ERC2: variants seen among roughly 807,000 people sequenced by gnomAD.
ERC2 encodes ELKS/RAB6-interacting/CAST family member 2, also known as ERC protein 2.
In ERC2, 42 loss-of-function variants were observed where a neutral mutation model predicts 114.8. That is an observed-to-expected ratio of 0.37 (90% confidence interval 0.29 to 0.47). The LOEUF (loss-of-function observed/expected upper bound fraction) is 0.47, where lower values mean the gene tolerates loss of function less well. Among genes scored for constraint, ERC2 ranks in the 20% least tolerant of loss-of-function variants. The pLI is 0.99. For synonymous variants in ERC2, 454 were observed against 425.5 expected, an observed-to-expected ratio of 1.07 and a Z score of -0.82; for missense variants, 939 against 1,150.7, an observed-to-expected ratio of 0.82 and a Z score of 2.66.
At chr3:56,421,421 G>T (rs889195678) in intron 2 of ERC2, among the ~76,000 whole-genome samples, 1 of 152,180 alleles carries the variant, frequency 6.6e-6, no homozygotes, top group African/African-American at 2.4e-5. Flanking sequence ...CTGCTGAGGG[G>T]GCGTGGATGT....
At chr3:56,437,928 A>C (rs1221552513) in intron 1 of ERC2, among the ~76,000 whole-genome samples, 1 of 152,248 alleles carries the variant, frequency 6.6e-6, no homozygotes, top group Non-Finnish European at 1.5e-5. Flanking sequence ...ACACAAATAC[A>C]CATACACCCT....
At chr3:55,769,131 G>C (rs72875449) in intron 14 of ERC2, among the ~76,000 whole-genome samples, 7 of 152,100 alleles carry the variant, frequency 4.6e-5, no homozygotes, top group Non-Finnish European at 7.4e-5. Context: ...GCCTCCGAAG[G>C]CTCCAGCATA....
chr3:55,707,586 G>A (rs1211735925), intron 15 of ERC2, among the ~76,000 whole-genome samples: 1 of 152,180 alleles, frequency 6.6e-6, no homozygotes, highest in African/African-American at 2.4e-5. Flanking sequence ...TATAAAGAAA[G>A]AGTTCTATGT....
At chr3:56,205,348 C>A (rs116100711) in intron 3 of ERC2, among the ~76,000 whole-genome samples, 5,000 of 152,152 alleles carry the variant, frequency 0.033, 121 homozygotes, top group Middle Eastern at 0.054. Flanking sequence ...ATGTTTGTCC[C>A]CAAGTCCAGG....
At chr3:56,227,084 G>A (rs1038020714) in intron 3 of ERC2, among the ~76,000 whole-genome samples, 16 of 151,924 alleles carry the variant, frequency 1.1e-4, no homozygotes, top group African/African-American at 3.6e-4. Flanking sequence ...TTCCCCCACT[G>A]GCCCTGCTTG....
intron 2 of ERC2, among the ~76,000 whole-genome samples, chr3:56,402,574 C>G (rs920964541): frequency 6.6e-6 from 1 of 152,186 alleles, no homozygotes. Context: ...GTGCAACTTA[C>G]AACCCCACTA....
intron 2 of ERC2, among the ~76,000 whole-genome samples, chr3:56,407,991 C>T (rs991643452): frequency 6.6e-6 from 1 of 152,176 alleles, no homozygotes; most frequent in African/African-American, 2.4e-5. Context: ...TAGCACAAAG[C>T]CAAAGGAGGT....
chr3:55,977,891 G>A (rs556425877), intron 12 of ERC2, among the ~76,000 whole-genome samples: 24 of 152,252 alleles, frequency 1.6e-4, no homozygotes, highest in African/African-American at 5.3e-4. Context: ...AAAGCCTTTA[G>A]GTATAGATAT....
intron 2 of ERC2, among the ~76,000 whole-genome samples, chr3:56,388,616 G>A (rs530171459): frequency 6.6e-6 from 1 of 152,268 alleles, no homozygotes; most frequent in Non-Finnish European, 1.5e-5. Context: ...TTGAAGTCTA[G>A]ACTTCCAATG....
At chr3:55,840,446 A>G (rs1271454821) in intron 14 of ERC2, among the ~76,000 whole-genome samples, 3 of 151,634 alleles carry the variant, frequency 2.0e-5, no homozygotes, top group African/African-American at 7.3e-5. Flanking sequence ...CTTCACCAAC[A>G]CTTGGTATGG....
At chr3:56,275,731 C>T (rs541040636) in intron 3 of ERC2, among the ~76,000 whole-genome samples, 1 of 152,316 alleles carries the variant, frequency 6.6e-6, no homozygotes, top group Admixed American at 6.5e-5. Flanking sequence ...CTGGACTGCA[C>T]TTTTAGTAGC....
intron 17 of ERC2, among the ~76,000 whole-genome samples, chr3:55,664,692 T>C (rs2061285443): frequency 6.6e-6 from 1 of 152,226 alleles, no homozygotes; most frequent in South Asian, 2.1e-4. Context: ...CCTAGTATTC[T>C]GTTACTGCCT....
At chr3:55,738,750 C>G (rs1265819449) in intron 14 of ERC2, among the ~76,000 whole-genome samples, 1 of 152,010 alleles carries the variant, frequency 6.6e-6, no homozygotes, top group African/African-American at 2.4e-5. Flanking sequence ...CATCATCAAC[C>G]AAAAAACAAT....
intron 3 of ERC2, among the ~76,000 whole-genome samples, chr3:56,227,174 T>A (rs1048282629): frequency 7.2e-5 from 11 of 152,100 alleles, no homozygotes; most frequent in Non-Finnish European, 1.6e-4. Context: ...AGAATTCACC[T>A]CCATTCTTAA....
In ERC2 at chr3:55,888,397, C is replaced by A; in HGVS notation, c.2556G>T (p.Leu852=). The change falls in exon 14 of 18, where the codon CTG becomes CTT. Residue 852 remains leucine, a synonymous_variant. Coordinates refer to ENST00000288221, the MANE Select transcript of ERC2 (RefSeq NM_015576.3). ...CAGCAATGGGTACTCACTTCATCTC[C>A]AGGATCTCCTCCAGCTGTTTCCTCC... ...IERRKQLEEI[L]EMKQEALLAA... 1.2e-6 allele frequency: 2 copies of A among 1,613,834 alleles called. No homozygotes were observed. The highest frequency in any genetic ancestry group is 1.7e-6 in the Non-Finnish European group (2 of 1,179,796).
chr3:55,986,618 A>G (rs1302902389), intron 11 of ERC2, among the ~76,000 whole-genome samples: 1 of 152,190 alleles, frequency 6.6e-6, no homozygotes, highest in Non-Finnish European at 1.5e-5. Context: ...CCCACCTATC[A>G]GCTTCCGCAG....
intron 14 of ERC2, among the ~76,000 whole-genome samples, chr3:55,833,566 T>C (rs1432568154): frequency 1.3e-5 from 2 of 152,124 alleles, no homozygotes; most frequent in Admixed American, 6.5e-5. Flanking sequence ...TGCTGAGAGA[T>C]TTTGTCATCA....
chr3:55,924,388 A>G (rs13076088), intron 13 of ERC2, among the ~76,000 whole-genome samples: 92,151 of 151,854 alleles, frequency 0.61, 28,929 homozygotes, highest in Non-Finnish European at 0.66. Context: ...CATAAAAACA[A>G]GTGGCGAGAG....
intron 17 of ERC2, among the ~76,000 whole-genome samples, chr3:55,559,942 A>G (rs1036112203): frequency 7.9e-5 from 12 of 152,310 alleles, no homozygotes; most frequent in Non-Finnish European, 1.6e-4. Flanking sequence ...GGGGCTGCTC[A>G]GACATTATCT....
Sources: allele counts gnomAD v4.1 joint callset (sites outside exome capture counted in the v4.1 genomes callset), GRCh38; gene constraint gnomAD v4.1.1; transcripts MANE v1.5; gene names NCBI Gene and HGNC (gene_info 2026-07-23, HGNC 2026-07-21).